SYNE2: variants seen among roughly 807,000 people sequenced by gnomAD.
SYNE2 encodes spectrin repeat containing nuclear envelope protein 2.
SYNE2 carries 431 observed loss-of-function variants against 856.3 expected under a neutral mutation model. The observed-to-expected ratio is 0.50, with a 90% confidence interval of 0.47 to 0.55. The LOEUF (loss-of-function observed/expected upper bound fraction) is 0.55. Ranked by LOEUF, SYNE2 falls within the 20% of genes least tolerant of loss-of-function variation. The pLI, the probability that SYNE2 is intolerant of heterozygous loss-of-function variation, is 0.00. For synonymous variants in SYNE2, 2,923 were observed against 2,872.3 expected, an observed-to-expected ratio of 1.02 and a Z score of -0.56; for missense variants, 8,129 against 8,023.2, an observed-to-expected ratio of 1.01 and a Z score of -0.50.
chr14:64,009,535 C>CAAAA (rs67434536), intron 31 of SYNE2, among the ~76,000 whole-genome samples: 2 of 77,416 alleles, frequency 2.6e-5, no homozygotes, highest in Non-Finnish European at 5.0e-5. Context: ...GACTCTGTCT[C>CAAAA]AAAAAAAAAA....
rs1169028482 is a variant in SYNE2, at chr14:63,781,347, A to G, written c.-305+19361A>G. 3.3e-5 allele frequency among the ~76,000 whole-genome samples: 5 copies of G among 152,184 alleles called. No individual in the cohort carries two copies. In the East Asian group the frequency reaches 9.6e-4, roughly 29 times the overall value. The stretch of plus-strand genomic sequence containing the variant: ...AATTTTACCTGAAAAAATGGAAAAG[A>G]AGTATAAATAAATATTGAAATTCAT... On this transcript the variant is annotated intron_variant, in intron 1 of 23. Transcript: ENST00000674003.
chr14:64,082,317 G>A (rs556600926), intron 57 of SYNE2, among the ~76,000 whole-genome samples: 1 of 152,158 alleles, frequency 6.6e-6, no homozygotes, highest in South Asian at 2.1e-4. Flanking sequence ...TGATTATAAG[G>A]CTCTCTAATA....
chr14:64,074,638 A>G (rs2097442340), intron 53 of SYNE2, among the ~76,000 whole-genome samples: 1 of 152,182 alleles, frequency 6.6e-6, no homozygotes, highest in South Asian at 2.1e-4. Flanking sequence ...GCTCACACCT[A>G]TAATCCCAGC....
chr14:63,892,843 A>G (rs2095167163), intron 1 of SYNE2, among the ~76,000 whole-genome samples: 2 of 151,412 alleles, frequency 1.3e-5, no homozygotes, highest in Admixed American at 1.3e-4. Context: ...TAGCTGGCCT[A>G]TAGGCTAGGG....
chr14:63,885,450 C>T (rs1215431182), intron 1 of SYNE2, among the ~76,000 whole-genome samples: 2 of 152,194 alleles, frequency 1.3e-5, no homozygotes, highest in East Asian at 3.9e-4. Flanking sequence ...TTTCCCTTCT[C>T]TGAAGGATGG....
intron 41 of SYNE2, among the ~76,000 whole-genome samples, chr14:64,026,178 A>C (rs912299014): frequency 8.5e-5 from 13 of 152,172 alleles, no homozygotes; most frequent in Non-Finnish European, 1.8e-4. Flanking sequence ...GTAGAGAAAC[A>C]AGAGTTGACA....
At chr14:63,967,103 A>G (rs2096404099) in intron 10 of SYNE2, among the ~76,000 whole-genome samples, 2 of 151,962 alleles carry the variant, frequency 1.3e-5, no homozygotes, top group Admixed American at 1.3e-4. Context: ...TGACCTCGTG[A>G]TCCACCCACC....
At chr14:64,188,424 AAC>A (rs967246862) in intron 97 of SYNE2, 124 bp from the exon 98 acceptor site, 1 of 1,082,072 alleles carries the variant, frequency 9.2e-7, no homozygotes, top group African/African-American at 1.6e-5. Context: ...GAAGAGGCAA[AAC>A]CAGACAAGGT....
chr14:64,015,869 G>A (rs2096888710), intron 32 of SYNE2, among the ~76,000 whole-genome samples: 1 of 151,908 alleles, frequency 6.6e-6, no homozygotes, highest in African/African-American at 2.4e-5. Flanking sequence ...TGCTATACAA[G>A]TTTTCATGTT....
intron 8 of SYNE2, among the ~76,000 whole-genome samples, chr14:63,959,636 G>A (rs1302228458): frequency 3.3e-5 from 5 of 152,150 alleles, no homozygotes; most frequent in African/African-American, 1.2e-4. Context: ...CATTGGTCTG[G>A]CTTCATGTTG....
chr14:63,980,909 A>T, intron 15 of SYNE2, 77 bp from the exon 16 acceptor site: 1 of 1,140,136 alleles, frequency 8.8e-7, no homozygotes, highest in Non-Finnish European at 1.3e-6. Flanking sequence ...GCTGTCAATT[A>T]ATATGCAAAT....
intron 1 of SYNE2, among the ~76,000 whole-genome samples, chr14:63,821,035 C>T (rs977908626): frequency 6.6e-6 from 1 of 152,054 alleles, no homozygotes; most frequent in Non-Finnish European, 1.5e-5. Flanking sequence ...AGCCACTGCA[C>T]CCGGCCAGGA....
intron 2 of SYNE2, among the ~76,000 whole-genome samples, chr14:63,933,599 G>A (rs1309642321): frequency 1.3e-5 from 2 of 152,046 alleles, no homozygotes; most frequent in Non-Finnish European, 2.9e-5. Context: ...ATACTCATAT[G>A]GGCCTGAATA....
At chr14:64,002,683 C>T (rs560900446) in intron 29 of SYNE2, 37 bp from the exon 30 acceptor site, 161 of 1,600,384 alleles carry the variant, frequency 1.0e-4, no homozygotes, top group Non-Finnish European at 1.3e-4. Flanking sequence ...TTCTTTTTTC[C>T]ACCTCAGTGT....
At chr14:63,788,918 A>G (rs1322141807) in intron 1 of SYNE2, among the ~76,000 whole-genome samples, 2 of 152,228 alleles carry the variant, frequency 1.3e-5, no homozygotes. Context: ...TCCCATGTTT[A>G]TTGCAGCACT....
At chr14:63,924,162 GC>G (rs1167902071) in intron 2 of SYNE2, among the ~76,000 whole-genome samples, 1 of 151,996 alleles carries the variant, frequency 6.6e-6, no homozygotes, top group African/African-American at 2.4e-5. Flanking sequence ...GAAATCAATT[GC>G]CCATAAGTGG....
At chr14:64,043,113 T>C (rs953088692) in intron 45 of SYNE2, among the ~76,000 whole-genome samples, 4 of 152,208 alleles carry the variant, frequency 2.6e-5, no homozygotes, top group Non-Finnish European at 4.4e-5. Context: ...AGCAAAGGGA[T>C]TGGTGGCATT....
chr14:64,122,972 G>A (rs1243348082), intron 70 of SYNE2, among the ~76,000 whole-genome samples: 1 of 151,944 alleles, frequency 6.6e-6, no homozygotes, highest in Non-Finnish European at 1.5e-5. Context: ...GGTGGTGCAT[G>A]CCTGTAATCC....
At chr14:64,190,697 C>T in intron 99 of SYNE2, 1 of 686,904 alleles carries the variant, frequency 1.5e-6, no homozygotes. Flanking sequence ...CAGGAGTCTA[C>T]TCTTAAAGTG....
Sources: allele counts gnomAD v4.1 joint callset (sites outside exome capture counted in the v4.1 genomes callset), GRCh38; gene constraint gnomAD v4.1.1; transcripts MANE v1.5; gene names NCBI Gene and HGNC (gene_info 2026-07-23, HGNC 2026-07-21).